The following FDFT1 variants were observed in gnomAD, a reference collection of about 807,000 sequenced individuals.
FDFT1 encodes the protein squalene synthase.
In FDFT1, 68 loss-of-function variants were observed where a neutral mutation model predicts 46.8. That is an observed-to-expected ratio of 1.45 (90% CI 1.19 to 1.78). The LOEUF is 1.78. Among genes scored for constraint, FDFT1 ranks in the 40% most tolerant of loss-of-function variants. FDFT1 has a pLI of 0.00. For synonymous variants in FDFT1, 351 were observed against 185.1 expected, an observed-to-expected ratio of 1.90 and a Z score of -7.28; for missense variants, 928 against 524.4, an observed-to-expected ratio of 1.77 and a Z score of -7.52.
At chr8:11,817,751 T>A (rs373604237) in intron 3 of FDFT1, among the ~76,000 whole-genome samples, 1 of 152,226 alleles carries the variant, frequency 6.6e-6, no homozygotes, top group Non-Finnish European at 1.5e-5. Flanking sequence ...TTGATTCTTC[T>A]GTCTTTTCTT....
chr8:11,801,427 C>G (rs917448470), upstream of FDFT1, among the ~76,000 whole-genome samples: 10 of 152,242 alleles, frequency 6.6e-5, no homozygotes, highest in Non-Finnish European at 1.2e-4. Flanking sequence ...TCAAGCGATT[C>G]TCCTGCCTCA....
In FDFT1 at chr8:11,837,652, T is replaced by C. The variant is rs148053641; in HGVS notation, c.1033-736T>C. Among the ~76,000 whole-genome samples the C allele has an allele frequency of 4.0e-3, 616 of 152,190 alleles. 7 individuals carry two copies. The highest frequency in any genetic ancestry group is 0.014 in the African/African-American group (589 of 41,518). ...CACATTACAGAGCTCAGGCTTTTTT[T>C]CTCCAGGTGAGAGGGCTGGTGCCAC... On this transcript the variant is annotated intron_variant, in intron 7 of 7. Coordinates refer to ENST00000220584, the MANE Select transcript of FDFT1 (RefSeq NM_004462.5).
At chr8:11,832,380 C>G (rs780757290) in intron 7 of FDFT1, among the ~76,000 whole-genome samples, 12 of 151,382 alleles carry the variant, frequency 7.9e-5, no homozygotes, top group African/African-American at 2.9e-4. Flanking sequence ...CATAGCAAGA[C>G]CCCATTTCTA....
intron 7 of FDFT1, among the ~76,000 whole-genome samples, chr8:11,833,669 A>T (rs1406863418): frequency 6.6e-6 from 1 of 152,252 alleles, no homozygotes; most frequent in Non-Finnish European, 1.5e-5. Flanking sequence ...AAATGTTATC[A>T]GAACACAGCC....
At chr8:11,815,831 G>C (rs1462528277) in intron 3 of FDFT1, among the ~76,000 whole-genome samples, 1 of 152,154 alleles carries the variant, frequency 6.6e-6, no homozygotes, top group East Asian at 1.9e-4. Context: ...CTTTTACTCT[G>C]ATGATAGTTT....
At chr8:11,832,657 TC>T (rs901668605) in intron 7 of FDFT1, among the ~76,000 whole-genome samples, 1 of 148,958 alleles carries the variant, frequency 6.7e-6, no homozygotes, top group African/African-American at 2.5e-5. Flanking sequence ...GGTGATTTGC[TC>T]CCCTCCCCCC....
chr8:11,826,094 A>G lies in FDFT1; in HGVS notation c.581A>G (p.Asp194Gly). ...SRLFSASEFE[D>G]PLVGEDTERA... ...CTTTTCTCAGCCTCAGAGTTTGAAGACCCCTTAGTTGGTGAAGATACAGAA... is the reference window on the plus strand; with the variant it reads ...CTTTTCTCAGCCTCAGAGTTTGAAGGCCCCTTAGTTGGTGAAGATACAGAA... The change falls in exon 5 of 8, where the codon GAC becomes GGC. Residue 194 changes from aspartate (D) to glycine (G), a missense_variant. By Grantham distance (94) the Asp-to-Gly change is moderately conservative (BLOSUM62 -1). Coordinates refer to ENST00000220584, the MANE Select transcript of FDFT1 (RefSeq NM_004462.5). 1 of 1,609,314 alleles carries G rather than the reference A, an allele frequency of 6.2e-7. No individual in the cohort carries two copies.
rs1806441711 is a variant in FDFT1 at position 11,803,709 on chromosome 8, C to G, written c.99+778C>G. The G allele has an allele frequency of 3.1e-5, 8 of 258,262 alleles. No individual in the cohort carries two copies. In the South Asian group the frequency reaches 3.2e-4, roughly 10 times the overall value. 16.0% of individuals were successfully genotyped at this position (258,262 alleles called of 1,614,324 possible). The stretch of plus-strand genomic sequence containing the variant: ...GATTTCTGTAACTTTTTTGGGCCAA[C>G]AGGACAGTAGCAAATGTGACTCAGG... On this transcript the variant is annotated intron_variant, in intron 1 of 7. Transcript: ENST00000220584.
At chr8:11,831,298 T>A (rs1810745290) in intron 6 of FDFT1, among the ~76,000 whole-genome samples, 1 of 152,252 alleles carries the variant, frequency 6.6e-6, no homozygotes, top group Admixed American at 6.5e-5. Context: ...TAGAATTGTT[T>A]TAGACTGCTT....
intron 3 of FDFT1, among the ~76,000 whole-genome samples, chr8:11,812,415 C>T (rs186801178): frequency 1.1e-3 from 173 of 152,288 alleles, no homozygotes; most frequent in African/African-American, 3.8e-3. Context: ...CTGGGATATC[C>T]TCTCAAATGA....
At position 11,830,388 on chromosome 8, in the gene FDFT1, C is replaced by T. The variant is rs779489540; in HGVS notation, c.847C>T (p.Gln283Ter). The change falls in exon 6 of 8, where the codon CAG becomes TAG. Residue 283 changes from glutamine to a stop codon, truncating the protein, a stop_gained. Transcript: ENST00000220584. LOFTEE classifies it high-confidence loss of function. Reference protein sequence around the residue: ...VITYLSRLRNQSVFNFCAIPQ... With the variant: ...VITYLSRLRN Reference sequence around the variant, plus strand: ...CACCTACCTTTCGAGACTCAGAAACCAGAGTGTGTTTAACTTCTGTGCTAT... The same window carrying T: ...CACCTACCTTTCGAGACTCAGAAACTAGAGTGTGTTTAACTTCTGTGCTAT... The T allele has an allele frequency of 6.2e-7, 1 of 1,613,750 alleles. No homozygotes were observed. Among genetic ancestry groups the T allele is most frequent in the East Asian group, 2.2e-5 (1 of 44,880 alleles).
chr8:11,801,809 T>A (rs1563288246), upstream of FDFT1: 1 of 370,528 alleles, frequency 2.7e-6, no homozygotes, highest in Non-Finnish European at 5.3e-6. Flanking sequence ...TTCTCCTGCC[T>A]CAGCCTCCGG....
At chr8:11,836,501 A>T (rs747966029) in intron 7 of FDFT1, among the ~76,000 whole-genome samples, 1 of 152,232 alleles carries the variant, frequency 6.6e-6, no homozygotes, top group Non-Finnish European at 1.5e-5. Flanking sequence ...GCCACCTTTC[A>T]TAAGGCTCCT....
intron 3 of FDFT1, among the ~76,000 whole-genome samples, chr8:11,811,927 T>A (rs1332207668): frequency 6.6e-6 from 1 of 152,224 alleles, no homozygotes; most frequent in African/African-American, 2.4e-5. Flanking sequence ...CTTGTCTTCT[T>A]AAGGAGTGAT....
chr8:11,824,802 C>G (rs1042319942), intron 4 of FDFT1, among the ~76,000 whole-genome samples: 2 of 152,084 alleles, frequency 1.3e-5, no homozygotes, highest in Non-Finnish European at 2.9e-5. Context: ...GTGGCGCGAT[C>G]TCGGCTCCCT....
In FDFT1 at chr8:11,826,271, C is replaced by T. The variant is rs1809974628; in HGVS notation, c.702+56C>T. 3.7e-6 allele frequency: 5 copies of T among 1,333,442 alleles called. No homozygotes were observed. In the African/African-American group the frequency reaches 4.4e-5, roughly 12 times the overall value. The allele number at this position is 1,333,442 out of a possible 1,614,324, so 82.6% of individuals were successfully genotyped here. A position where few individuals can be genotyped will look rare whatever the true frequency, so the allele number is the denominator to read the frequency against. Reference sequence around the variant, plus strand: ...TAACTTTAGACATTCTCTGAAAAATCCTTTAACTCTTGTGGTTGCGGGTGA... The same window carrying T: ...TAACTTTAGACATTCTCTGAAAAATTCTTTAACTCTTGTGGTTGCGGGTGA... On this transcript the variant is annotated intron_variant, in intron 5 of 7. Coordinates refer to ENST00000220584, the MANE Select transcript of FDFT1 (RefSeq NM_004462.5).
Position 11,802,797 on chromosome 8 carries a change from G to A in FDFT1, c.-36G>A. ...GTGAGCGCCTGGGGACCGCAGAGGT[G>A]AGAGTCGCGCCCGGGAGTCCGCCGC... is the stretch of plus-strand genomic sequence containing the variant. On this transcript the variant is annotated 5_prime_UTR_variant, in exon 1 of 8. Transcript: ENST00000220584. The A allele has an allele frequency of 6.5e-7, 1 of 1,542,966 alleles. No individual in the cohort carries two copies. Among genetic ancestry groups the A allele is most frequent in the Non-Finnish European group, 8.9e-7 (1 of 1,126,136 alleles).
intron 3 of FDFT1, 143 bp downstream of exon 3, chr8:11,809,993 C>A: frequency 1.7e-6 from 1 of 604,060 alleles, no homozygotes; most frequent in Non-Finnish European, 2.8e-6. Context: ...ACTCCGGTAG[C>A]CAAGACTCTG....
At chr8:11,809,909 T>A (rs1807467057) in intron 3 of FDFT1, 59 bp downstream of exon 3, 1 of 1,327,144 alleles carries the variant, frequency 7.5e-7, no homozygotes, top group Non-Finnish European at 1.1e-6. Flanking sequence ...CTAACGTGGT[T>A]GTCCGGTAGC....
Sources: gnomAD v4.1 joint callset for allele counts (sites outside exome capture counted in the v4.1 genomes callset) on GRCh38, gnomAD v4.1.1 for gene constraint, MANE v1.5 for transcripts, NCBI Gene and HGNC (gene_info 2026-07-23, HGNC 2026-07-21) for gene names.